The following VPS13B variants were observed in gnomAD, a reference collection of about 807,000 sequenced individuals.
The protein encoded by VPS13B is vacuolar protein sorting 13 homolog B, also known as intermembrane lipid transfer protein VPS13B.
Under a neutral mutation model 426.4 loss-of-function variants are expected in VPS13B, and 285 were observed. That is an observed-to-expected ratio of 0.67 (90% CI 0.61 to 0.74). The LOEUF (loss-of-function observed/expected upper bound fraction) is 0.74. Ranked by LOEUF, VPS13B falls within the 30% of genes least tolerant of loss-of-function variation. The pLI is 0.00. For synonymous variants in VPS13B, 1,676 were observed against 1,676.4 expected, an observed-to-expected ratio of 1.00 and a Z score of 0.01; for missense variants, 4,537 against 4,782.6, an observed-to-expected ratio of 0.95 and a Z score of 1.51.
intron 19 of VPS13B, among the ~76,000 whole-genome samples, chr8:99,383,121 G>A (rs1013707148): frequency 3.9e-5 from 6 of 152,076 alleles, no homozygotes; most frequent in Admixed American, 3.9e-4. Flanking sequence ...TCTGCTTTAG[G>A]TAAGTTCTAT....
chr8:99,422,743 G>A (rs1051030282), intron 21 of VPS13B, among the ~76,000 whole-genome samples: 1 of 152,064 alleles, frequency 6.6e-6, no homozygotes, highest in Admixed American at 6.6e-5. Flanking sequence ...AAACAATTCT[G>A]AAACATATAT....
chr8:99,666,532 A>C (rs1364826699), intron 35 of VPS13B, among the ~76,000 whole-genome samples: 4 of 152,232 alleles, frequency 2.6e-5, no homozygotes, highest in Non-Finnish European at 1.5e-5. Context: ...GTTATCCAGC[A>C]TATAAACAGA....
chr8:99,640,016 T>TAAGAAGAAGAAGAAGAAGAAG lies in VPS13B; in HGVS notation c.5221-1793_5221-1792insGAAGAAGAAGAAGAAGAAGAA, dbSNP rs1367039899. On this transcript the variant is annotated intron_variant, in intron 33 of 61. Transcript: ENST00000357162. ...ATAATAATAATAATAATAATAATAA[T>TAAGAAGAAGAAGAAGAAGAAG]AATAATAATAAGAAGAAGAAGAAGA... Among the ~76,000 whole-genome samples, 5 of 72,514 alleles carry TAAGAAGAAGAAGAAGAAGAAG rather than the reference T, an allele frequency of 6.9e-5. 1 individual carries two copies. The highest frequency in any genetic ancestry group is 2.4e-4 in the African/African-American group (5 of 20,898). 47.6% of individuals were successfully genotyped at this position (72,514 alleles called of 152,430 possible). A position where few individuals can be genotyped will look rare whatever the true frequency, so the allele number is the denominator to read the frequency against.
chr8:99,138,675 A>C (rs1810214717), intron 12 of VPS13B, among the ~76,000 whole-genome samples: 1 of 152,262 alleles, frequency 6.6e-6, no homozygotes, highest in Admixed American at 6.5e-5. Flanking sequence ...AACTGTGGAC[A>C]TTGAAGTGTA....
At chr8:99,022,219 T>C (rs1024014310) in intron 2 of VPS13B, among the ~76,000 whole-genome samples, 2 of 151,730 alleles carry the variant, frequency 1.3e-5, no homozygotes, top group Admixed American at 1.3e-4. Context: ...TCATTGCTTT[T>C]TTTCAGTCTT....
At chr8:99,589,972 T>C (rs1826527388) in intron 33 of VPS13B, among the ~76,000 whole-genome samples, 1 of 152,150 alleles carries the variant, frequency 6.6e-6, no homozygotes, top group African/African-American at 2.4e-5. Context: ...GGTCCTGGAC[T>C]TTTTTTGGTT....
intron 19 of VPS13B, among the ~76,000 whole-genome samples, chr8:99,365,323 G>A (rs574552016): frequency 4.0e-5 from 6 of 150,954 alleles, no homozygotes; most frequent in African/African-American, 1.5e-4. Context: ...AGATTTGCTT[G>A]CTCTTGCTTT....
chr8:99,707,992 C>G (rs936048580), intron 36 of VPS13B, among the ~76,000 whole-genome samples: 1 of 152,136 alleles, frequency 6.6e-6, no homozygotes, highest in Non-Finnish European at 1.5e-5. Flanking sequence ...ATCAATTTTT[C>G]CATCCATGTA....
At chr8:99,558,139 T>C (rs577116332) in intron 31 of VPS13B, among the ~76,000 whole-genome samples, 20 of 152,286 alleles carry the variant, frequency 1.3e-4, no homozygotes, top group Admixed American at 3.9e-4. Context: ...TAATGGATTA[T>C]GCAACGCTTA....
intron 17 of VPS13B, among the ~76,000 whole-genome samples, chr8:99,200,371 A>C (rs4734428): frequency 0.076 from 11,596 of 151,832 alleles, 653 homozygotes; most frequent in African/African-American, 0.16. Context: ...ATTCAAGTAC[A>C]GGTTTTTTTT....
At chr8:99,505,186 G>A (rs985941432) in intron 27 of VPS13B, among the ~76,000 whole-genome samples, 16 of 152,172 alleles carry the variant, frequency 1.1e-4, no homozygotes, top group African/African-American at 3.6e-4. Context: ...AGACCACTCA[G>A]ACTTTCTGCC....
chr8:99,360,120 ATCTTTCTTTCTTTCTTTCTT>A lies in VPS13B; in HGVS notation c.2825-24036_2825-24017del, dbSNP rs772269369. Among the ~76,000 whole-genome samples, 584 of 62,352 alleles carry A rather than the reference ATCTTTCTTTCTTTCTTTCTT, an allele frequency of 9.4e-3. 32 individuals carry two copies. The highest frequency in any genetic ancestry group is 0.024 in the South Asian group (38 of 1,564). The allele number at this position is 62,352 out of a possible 152,430, so 40.9% of individuals were successfully genotyped here. ...CCCAACCTGTTTTTTTTTTTTCCTT[ATCTTTCTTTCTTTCTTTCTT>A]TCTTTCTTTCTTTCTTTCTTTCTTT... On this transcript the variant is annotated intron_variant, in intron 19 of 61. Coordinates refer to ENST00000357162, the MANE Select transcript of VPS13B (RefSeq NM_152564.5).
intron 33 of VPS13B, among the ~76,000 whole-genome samples, chr8:99,614,930 C>T (rs1372782946): frequency 6.6e-6 from 1 of 151,622 alleles, no homozygotes; most frequent in Non-Finnish European, 1.5e-5. Context: ...CCAGCCTGAC[C>T]AACATGGAGA....
chr8:99,135,509 A>G, intron 10 of VPS13B, 87 bp from the exon 11 acceptor site: 1 of 1,496,228 alleles, frequency 6.7e-7, no homozygotes, highest in Non-Finnish European at 9.1e-7. Flanking sequence ...TTTGACTAGT[A>G]AATGGGCATC....
At chr8:99,637,649 A>G (rs1471050079) in intron 33 of VPS13B, among the ~76,000 whole-genome samples, 4 of 152,160 alleles carry the variant, frequency 2.6e-5, no homozygotes, top group African/African-American at 9.6e-5. Context: ...CAGTCTCAGC[A>G]CATAATATAG....
intron 21 of VPS13B, among the ~76,000 whole-genome samples, chr8:99,404,537 A>T (rs1270175588): frequency 6.6e-6 from 1 of 152,224 alleles, no homozygotes; most frequent in Non-Finnish European, 1.5e-5. Context: ...TTTGATGAAA[A>T]GTCTCATGCA....
At chr8:99,083,383 A>G (rs1438883902) in intron 3 of VPS13B, among the ~76,000 whole-genome samples, 1 of 152,176 alleles carries the variant, frequency 6.6e-6, no homozygotes, top group African/African-American at 2.4e-5. Context: ...TTCTAGATAT[A>G]CAATCATGTC....
chr8:99,634,360 A>G (rs1340181293), intron 33 of VPS13B, among the ~76,000 whole-genome samples: 1 of 152,040 alleles, frequency 6.6e-6, no homozygotes, highest in African/African-American at 2.4e-5. Context: ...GCAGTAAAAC[A>G]CAACCTTGAC....
intron 19 of VPS13B, among the ~76,000 whole-genome samples, chr8:99,319,627 A>G (rs1809865528): frequency 6.6e-6 from 1 of 152,204 alleles, no homozygotes; most frequent in Non-Finnish European, 1.5e-5. Context: ...AACCAGAAAC[A>G]CTAATTTTTA....
Sources: gnomAD v4.1 joint callset for allele counts (sites outside exome capture counted in the v4.1 genomes callset) on GRCh38, gnomAD v4.1.1 for gene constraint, MANE v1.5 for transcripts, NCBI Gene and HGNC (gene_info 2026-07-23, HGNC 2026-07-21) for gene names.